Variants in LAMB1 observed in about 807,000 individuals in gnomAD.
LAMB1 encodes the protein laminin subunit beta 1.
Under a neutral mutation model 222.3 loss-of-function variants are expected in LAMB1, and 121 were observed. The ratio of observed to expected loss-of-function variants is 0.54; its 90% CI spans 0.47 to 0.63. The LOEUF (loss-of-function observed/expected upper bound fraction) is 0.63, where lower values mean the gene tolerates loss of function less well. Ranked by LOEUF, LAMB1 falls within the 30% of genes least tolerant of loss-of-function variation. The probability of loss-of-function intolerance (pLI) is 0.00; values close to 1 mark genes in which losing one functional copy is unlikely to be tolerated. For missense variants in LAMB1, 2,172 were observed against 2,240.8 expected, an observed-to-expected ratio of 0.97 and a Z score of 0.62; for synonymous variants, 794 against 807.2, an observed-to-expected ratio of 0.98 and a Z score of 0.28.
intron 5 of LAMB1, among the ~76,000 whole-genome samples, chr7:107,992,651 T>C (rs2701042): frequency 0.16 from 24,014 of 152,176 alleles, 2,135 homozygotes; most frequent in African/African-American, 0.24. Flanking sequence ...ATCCCAGCAC[T>C]TTGGGAGGCC....
At chr7:107,954,163 A>AT (rs772345316) in intron 21 of LAMB1, among the ~76,000 whole-genome samples, 1 of 151,844 alleles carries the variant, frequency 6.6e-6, no homozygotes, top group African/African-American at 2.4e-5. Context: ...CAAGGATTAC[A>AT]TTTTTTTAAG....
Position 107,955,449 on chromosome 7 carries a change from A to C in LAMB1, c.2854+18T>G. 4 of 1,593,456 alleles carry C rather than the reference A, an allele frequency of 2.5e-6. No homozygotes were observed. Among genetic ancestry groups the C allele is most frequent in the Non-Finnish European group, 3.4e-6 (4 of 1,166,310 alleles). On this transcript the variant is annotated intron_variant, in intron 21 of 33. Coordinates refer to ENST00000222399, the MANE Select transcript of LAMB1 (RefSeq NM_002291.3). The stretch of plus-strand genomic sequence containing the variant: ...CTTTTTCTCTCTCTTTGCCTCCCAA[A>C]GTATGCACACGACTTACCAATGTAT...
chr7:107,964,783 A>T, intron 13 of LAMB1, 96 bp from the exon 14 acceptor site: 1 of 1,319,330 alleles, frequency 7.6e-7, no homozygotes, highest in Non-Finnish European at 1.1e-6. Context: ...AGTACACAGG[A>T]CCAAATACAT....
chr7:107,999,182 G>C (rs74966122), intron 3 of LAMB1, among the ~76,000 whole-genome samples: 1,854 of 152,356 alleles, frequency 0.012, 33 homozygotes, highest in East Asian at 0.04. Flanking sequence ...AAGATAGACT[G>C]TAAGTTTTAG....
chr7:107,988,266 C>G (rs762974046), intron 5 of LAMB1, among the ~76,000 whole-genome samples: 50 of 152,132 alleles, frequency 3.3e-4, no homozygotes, highest in Non-Finnish European at 5.7e-4. Context: ...GTGGAAGAGG[C>G]GTGAAAGCAT....
chr7:108,001,967 A>G, intron 2 of LAMB1: 1 of 1,448,784 alleles, frequency 6.9e-7, no homozygotes. Flanking sequence ...AGGTCTGTCC[A>G]GCAGCGAGAG....
rs1562999092 is a variant in LAMB1, at chr7:107,975,419, A to G, written c.1190-6T>C. 2.7e-5 allele frequency: 43 copies of G among 1,599,960 alleles called. No homozygotes were observed. Among genetic ancestry groups the G allele is most frequent in the Non-Finnish European group, 3.7e-5 (43 of 1,173,808 alleles). ...AGCTGGGTCACACGTACATCCTGAG[A>G]AGAATGCAAAGCACCAGGTTAAAAT... On this transcript the variant is annotated splice_polypyrimidine_tract_variant and splice_region_variant and intron_variant, in intron 10 of 33. Transcript: ENST00000222399.
chr7:107,959,801 G>C lies in LAMB1; in HGVS notation c.2348C>G (p.Ser783Cys). 5 of 1,613,778 alleles carry C rather than the reference G, an allele frequency of 3.1e-6. No individual in the cohort carries two copies. The highest frequency in any genetic ancestry group is 4.2e-6 in the Non-Finnish European group (5 of 1,179,898). The change falls in exon 19 of 34, where the codon TCC becomes TGC. Residue 783 changes from serine (S) to cysteine (C), a missense_variant. Coordinates refer to ENST00000222399, the MANE Select transcript of LAMB1 (RefSeq NM_002291.3). The part of the protein sequence containing the change: ...CECDPQGSLS[S>C]VCDPNGGQCQ... ...CTGGCCTCCGTTGGGATCACACACG[G>C]AACTTAACGAACCCTGAGGGTCGCA...
intron 16 of LAMB1, 68 bp downstream of exon 16, chr7:107,961,481 C>CA: frequency 6.3e-7 from 1 of 1,587,426 alleles, no homozygotes; most frequent in Admixed American, 1.8e-5. Flanking sequence ...TGAAAACTCG[C>CA]AAAATATTAG....
At chr7:107,939,584 T>C (rs1399755814) in intron 25 of LAMB1, among the ~76,000 whole-genome samples, 1 of 152,204 alleles carries the variant, frequency 6.6e-6, no homozygotes, top group Non-Finnish European at 1.5e-5. Context: ...TATATTATCC[T>C]ACCCCTTCTC....
intron 7 of LAMB1, among the ~76,000 whole-genome samples, chr7:107,981,650 G>C (rs1419438708): frequency 2.0e-5 from 3 of 152,172 alleles, no homozygotes; most frequent in Non-Finnish European, 4.4e-5. Flanking sequence ...GCTGGAACCT[G>C]CGGGCAGACA....
In LAMB1 at chr7:107,936,817, G is replaced by A. The variant is rs115829916; in HGVS notation, c.3946+276C>T. On this transcript the variant is annotated intron_variant, in intron 26 of 33. Coordinates refer to ENST00000222399, the MANE Select transcript of LAMB1 (RefSeq NM_002291.3). ...AGGCCAGGGGATTAAACTACTAACT[G>A]GAGGGAAAAAAAAAAAATCAGGAAA... is the stretch of plus-strand genomic sequence containing the variant. Among the ~76,000 whole-genome samples the A allele has an allele frequency of 5.1e-3, 515 of 100,896 alleles. 2 individuals carry two copies. Among genetic ancestry groups the A allele is most frequent in the African/African-American group, 0.015 (466 of 30,358 alleles). The allele number at this position is 100,896 out of a possible 152,430, so 66.2% of individuals were successfully genotyped here. A position where few individuals can be genotyped will look rare whatever the true frequency, so the allele number is the denominator to read the frequency against.
chr7:107,929,933 A>G (rs759662624), intron 29 of LAMB1: 62 of 372,690 alleles, frequency 1.7e-4, no homozygotes, highest in Non-Finnish European at 3.0e-4. Context: ...AGAAAGGACA[A>G]TTCCAGATGG....
chr7:107,943,327 A>C (rs984460990), intron 24 of LAMB1, among the ~76,000 whole-genome samples: 1 of 152,196 alleles, frequency 6.6e-6, no homozygotes. Flanking sequence ...TTTTTAGTGG[A>C]AGTCAATGCC....
At chr7:108,000,156 T>G (rs1426435663) in intron 3 of LAMB1, among the ~76,000 whole-genome samples, 2 of 151,502 alleles carry the variant, frequency 1.3e-5, no homozygotes, top group Non-Finnish European at 2.9e-5. Flanking sequence ...TTCAATAACT[T>G]GTAGTCAAGG....
chr7:107,939,037 C>G (rs2032915515), intron 25 of LAMB1, among the ~76,000 whole-genome samples: 1 of 152,170 alleles, frequency 6.6e-6, no homozygotes. Context: ...GTCATTTCGT[C>G]ATATAAACAC....
rs2034079244 is a variant in LAMB1, at chr7:107,986,450, G to T, written c.424-87C>A. 4.5e-6 allele frequency: 5 copies of T among 1,101,464 alleles called. No individual in the cohort carries two copies. In the Admixed American group the frequency reaches 1.0e-4, roughly 23 times the overall value. 68.2% of individuals were successfully genotyped at this position (1,101,464 alleles called of 1,614,324 possible). A position where few individuals can be genotyped will look rare whatever the true frequency, so the allele number is the denominator to read the frequency against. ...TCTCAGGTAAAAATGTCACTCAACT[G>T]CATGCCACAAACTTGAACTGCATAT... On this transcript the variant is annotated intron_variant, in intron 5 of 33. Coordinates refer to ENST00000222399, the MANE Select transcript of LAMB1 (RefSeq NM_002291.3).
intron 3 of LAMB1, among the ~76,000 whole-genome samples, chr7:108,000,652 TCCCAC>T (rs1354894651): frequency 6.6e-6 from 1 of 152,210 alleles, no homozygotes; most frequent in Non-Finnish European, 1.5e-5. Flanking sequence ...CAAGTGATCC[TCCCAC>T]CTCAGCCTCC....
intron 18 of LAMB1, 148 bp from the exon 19 acceptor site, chr7:107,959,982 G>A (rs2033462284): frequency 8.5e-7 from 1 of 1,171,580 alleles, no homozygotes; most frequent in South Asian, 1.6e-5. Context: ...GGAAGAAAGG[G>A]GAGGCAGAGT....
Sources: allele counts gnomAD v4.1 joint callset (sites outside exome capture counted in the v4.1 genomes callset), GRCh38; gene constraint gnomAD v4.1.1; transcripts MANE v1.5; gene names NCBI Gene and HGNC (gene_info 2026-07-23, HGNC 2026-07-21).